The following CSMD1 variants were observed in gnomAD, a reference collection of about 807,000 sequenced individuals.
CSMD1 encodes the protein CUB and sushi domain-containing protein 1.
Under a neutral mutation model 417.5 loss-of-function variants are expected in CSMD1, and 213 were observed. The observed-to-expected ratio is 0.51, with a 90% CI of 0.46 to 0.57. CSMD1 has a LOEUF of 0.57. CSMD1 is among the 20% of genes least tolerant of loss of function. CSMD1 has a pLI of 0.00. For missense variants in CSMD1, 6,923 were observed against 4,529.7 expected (o/e 1.53, Z -15.17); for synonymous variants, 2,862 against 1,736.8 (o/e 1.65, Z -16.11).
At chr8:4,410,344 T>G (rs1796582162) in intron 3 of CSMD1, among the ~76,000 whole-genome samples, 1 of 152,196 alleles carries the variant, frequency 6.6e-6, no homozygotes, top group African/African-American at 2.4e-5. Context: ...TCATAGTGAC[T>G]GGGAAACTGC....
At chr8:3,748,353 T>G (rs1797158874) in intron 6 of CSMD1, among the ~76,000 whole-genome samples, 1 of 152,210 alleles carries the variant, frequency 6.6e-6, no homozygotes, top group Non-Finnish European at 1.5e-5. Context: ...CATCCATACC[T>G]ACCTAATAGT....
intron 1 of CSMD1, among the ~76,000 whole-genome samples, chr8:4,920,795 C>A (rs1180893796): frequency 6.7e-6 from 1 of 149,938 alleles, no homozygotes; most frequent in Non-Finnish European, 1.5e-5. Flanking sequence ...TGCGGTCCAG[C>A]CTGGGCAACA....
intron 2 of CSMD1, among the ~76,000 whole-genome samples, chr8:4,632,349 C>T (rs967244526): frequency 6.6e-6 from 1 of 151,658 alleles, no homozygotes; most frequent in Non-Finnish European, 1.5e-5. Flanking sequence ...CCCGTCTCTA[C>T]TAAAAATAAA....
Position 3,181,716 on chromosome 8 carries a change from T to C in CSMD1, c.5621-502A>G, listed in dbSNP as rs73493936. On this transcript the variant is annotated intron_variant, in intron 36 of 69. Coordinates refer to ENST00000635120, the MANE Select transcript of CSMD1 (RefSeq NM_033225.6). ...CTTAGTAATGTTCCCCCTGGATCTG[T>C]TGATGATTTCAACTAAAGATGCATG... Among the ~76,000 whole-genome samples the C allele has an allele frequency of 5.6e-3, 846 of 152,288 alleles. 7 individuals are homozygous for C. Among genetic ancestry groups the C allele is most frequent in the African/African-American group, 0.018 (753 of 41,570 alleles).
chr8:4,877,833 C>T (rs1221040507), intron 1 of CSMD1, among the ~76,000 whole-genome samples: 2 of 152,030 alleles, frequency 1.3e-5, no homozygotes, highest in African/African-American at 2.4e-5. Context: ...GTCTTCTTTG[C>T]CTTCAAGTGA....
At chr8:3,075,270 T>TC (rs1563310546) in intron 49 of CSMD1, among the ~76,000 whole-genome samples, 1 of 103,202 alleles carries the variant, frequency 9.7e-6, no homozygotes, top group Non-Finnish European at 2.1e-5. Context: ...TTCTTTTCTT[T>TC]TCTTTCTTTC....
At chr8:4,810,182 T>C (rs1414087245) in intron 1 of CSMD1, among the ~76,000 whole-genome samples, 1 of 152,208 alleles carries the variant, frequency 6.6e-6, no homozygotes, top group Non-Finnish European at 1.5e-5. Context: ...CTTCAAGAAC[T>C]GAGCAGTATT....
chr8:3,211,114 G>A lies in CSMD1; in HGVS notation c.4867+3383C>T, dbSNP rs143433695. Among the ~76,000 whole-genome samples the A allele has an allele frequency of 6.2e-4, 95 of 152,128 alleles. 1 individual carries two copies. The highest frequency in any genetic ancestry group is 1.9e-3 in the African/African-American group (77 of 41,480). On this transcript the variant is annotated intron_variant, in intron 30 of 69. Transcript: ENST00000635120. ...GGCTGGAGTGCAGTGATCCAGTCAC[G>A]GCTCACTGCAGCCTCAACCTTCAGA...
chr8:3,800,023 C>G (rs1800371917), intron 5 of CSMD1, among the ~76,000 whole-genome samples: 1 of 152,128 alleles, frequency 6.6e-6, no homozygotes. Flanking sequence ...AATCACTTGA[C>G]TTTTGAACCT....
At chr8:4,190,492 T>G (rs1299113023) in intron 3 of CSMD1, among the ~76,000 whole-genome samples, 1 of 151,498 alleles carries the variant, frequency 6.6e-6, no homozygotes, top group Non-Finnish European at 1.5e-5. Context: ...GTTAACCAAG[T>G]AAAATAATAC....
chr8:4,227,732 C>G (rs1801444564), intron 3 of CSMD1, among the ~76,000 whole-genome samples: 1 of 151,982 alleles, frequency 6.6e-6, no homozygotes, highest in East Asian at 1.9e-4. Context: ...CACATTAACT[C>G]CCACACCTGG....
chr8:4,701,255 C>G (rs897224406), intron 1 of CSMD1, among the ~76,000 whole-genome samples: 1 of 151,902 alleles, frequency 6.6e-6, no homozygotes, highest in African/African-American at 2.4e-5. Flanking sequence ...CTGCTTCCAC[C>G]TGGCAAATAC....
At chr8:3,568,992 G>T (rs1799834393) in intron 10 of CSMD1, among the ~76,000 whole-genome samples, 1 of 152,084 alleles carries the variant, frequency 6.6e-6, no homozygotes, top group South Asian at 2.1e-4. Flanking sequence ...AATTCTGATT[G>T]CAGGACTCAT....
chr8:4,580,273 C>G, intron 2 of CSMD1, among the ~76,000 whole-genome samples: 1 of 152,184 alleles, frequency 6.6e-6, no homozygotes, highest in East Asian at 1.9e-4. Flanking sequence ...TGGTCATCAC[C>G]CAGCCAGGTG....
intron 17 of CSMD1, among the ~76,000 whole-genome samples, chr8:3,389,191 G>A (rs1270061881): frequency 6.6e-6 from 1 of 152,106 alleles, no homozygotes; most frequent in East Asian, 1.9e-4. Context: ...ATGGGAGTTT[G>A]TTGTACAGAT....
intron 5 of CSMD1, among the ~76,000 whole-genome samples, chr8:3,828,397 C>G (rs532936832): frequency 5.9e-5 from 9 of 152,140 alleles, no homozygotes; most frequent in Admixed American, 5.9e-4. Flanking sequence ...AACTGCGTTA[C>G]CATATTGTCA....
At chr8:4,269,963 A>T (rs1197973463) in intron 3 of CSMD1, among the ~76,000 whole-genome samples, 1 of 152,194 alleles carries the variant, frequency 6.6e-6, no homozygotes, top group Admixed American at 6.5e-5. Context: ...GACCTCTCTG[A>T]GGCACAGCAA....
rs80050235 is a variant in CSMD1 at position 4,396,190 on chromosome 8, C to T, written c.415+23763G>A. On this transcript the variant is annotated intron_variant, in intron 3 of 69. Transcript: ENST00000635120. Reference sequence around the variant, plus strand: ...AGCAAGAATAACATTTCCAGTTGGGCACAATGACTCACGCCAATCCCAGCA... The same window carrying T: ...AGCAAGAATAACATTTCCAGTTGGGTACAATGACTCACGCCAATCCCAGCA... Among the ~76,000 whole-genome samples the T allele has an allele frequency of 7.0e-3, 1,066 of 152,082 alleles. 19 individuals carry two copies. The South Asian group carries it at 0.077, about 11-fold the overall frequency.
intron 10 of CSMD1, among the ~76,000 whole-genome samples, chr8:3,545,068 CT>C (rs1288909688): frequency 6.6e-6 from 1 of 152,100 alleles, no homozygotes; most frequent in Non-Finnish European, 1.5e-5. Context: ...TGAATACAAA[CT>C]TTTCCATGAC....
Sources: allele counts gnomAD v4.1 joint callset (sites outside exome capture counted in the v4.1 genomes callset), GRCh38; gene constraint gnomAD v4.1.1; transcripts MANE v1.5; gene names NCBI Gene and HGNC (gene_info 2026-07-23, HGNC 2026-07-21).